The following ESRRG variants were observed in gnomAD, a reference collection of about 807,000 sequenced individuals.
The protein encoded by ESRRG is estrogen-related receptor gamma.
A neutral mutation model predicts 44.0 loss-of-function variants in ESRRG; 13 were observed. The ratio of observed to expected loss-of-function variants is 0.30; its 90% CI spans 0.19 to 0.47. The LOEUF (loss-of-function observed/expected upper bound fraction) is 0.47. Among genes scored for constraint, ESRRG ranks in the 20% least tolerant of loss-of-function variants. The pLI is 1.00. For synonymous variants in ESRRG, 215 were observed against 214.6 expected, an observed-to-expected ratio of 1.00 and a Z score of -0.02; for missense variants, 395 against 580.6, an observed-to-expected ratio of 0.68 and a Z score of 3.29.
chr1:216,665,532 G>C (rs2073695772), intron 2 of ESRRG, among the ~76,000 whole-genome samples: 1 of 152,148 alleles, frequency 6.6e-6, no homozygotes, highest in Non-Finnish European at 1.5e-5. Flanking sequence ...GGCTAGCAGG[G>C]ACTGGGGGTA....
At chr1:217,128,111 A>G (rs976258902) in intron 1 of ESRRG, among the ~76,000 whole-genome samples, 13 of 152,322 alleles carry the variant, frequency 8.5e-5, no homozygotes, top group Admixed American at 7.8e-4. Context: ...ACAAATGCAG[A>G]AATTTGATCC....
chr1:216,684,889 T>C (rs951805253), intron 1 of ESRRG, among the ~76,000 whole-genome samples: 1 of 152,354 alleles, frequency 6.6e-6, no homozygotes, highest in Non-Finnish European at 1.5e-5. Context: ...AACAAGTGTG[T>C]ATATTTGCCC....
intron 2 of ESRRG, among the ~76,000 whole-genome samples, chr1:216,915,760 C>A (rs34783704): frequency 0.065 from 9,833 of 152,198 alleles, 424 homozygotes; most frequent in Non-Finnish European, 0.091. Flanking sequence ...GAGAAAAGAA[C>A]CCAGGAATGT....
intron 1 of ESRRG, among the ~76,000 whole-genome samples, chr1:216,989,489 A>G (rs930003006): frequency 1.3e-5 from 2 of 151,824 alleles, no homozygotes; most frequent in Non-Finnish European, 2.9e-5. Context: ...TAATGTATCA[A>G]GTTTTCTCCA....
intron 1 of ESRRG, among the ~76,000 whole-genome samples, chr1:217,108,764 G>T (rs1214135383): frequency 1.3e-5 from 2 of 151,998 alleles, no homozygotes; most frequent in Non-Finnish European, 2.9e-5. Flanking sequence ...CAGATAGCCA[G>T]CACCAGGCTT....
At chr1:217,109,029 A>G (rs1213131690) in intron 1 of ESRRG, among the ~76,000 whole-genome samples, 1 of 152,184 alleles carries the variant, frequency 6.6e-6, no homozygotes, top group East Asian at 1.9e-4. Context: ...GCATGGGCAC[A>G]TGTGTTGAAA....
chr1:216,710,471 GAA>G (rs143332111), intron 1 of ESRRG, among the ~76,000 whole-genome samples: 1,597 of 152,182 alleles, frequency 0.01, 34 homozygotes, highest in African/African-American at 0.037. Context: ...TGCTTTTTTT[GAA>G]AAGTCTGACC....
At chr1:217,102,095 C>T (rs929806852) in intron 1 of ESRRG, among the ~76,000 whole-genome samples, 7 of 152,214 alleles carry the variant, frequency 4.6e-5, no homozygotes, top group African/African-American at 1.4e-4. Context: ...TGTGAGCCAC[C>T]GCACCCTGCC....
chr1:217,032,106 A>G (rs767973536), intron 1 of ESRRG, among the ~76,000 whole-genome samples: 6 of 152,200 alleles, frequency 3.9e-5, no homozygotes, highest in Admixed American at 3.3e-4. Flanking sequence ...AATCTGACCA[A>G]TTAAAAATAT....
intron 2 of ESRRG, among the ~76,000 whole-genome samples, chr1:216,784,996 A>G (rs1473879574): frequency 1.3e-5 from 2 of 152,040 alleles, no homozygotes; most frequent in African/African-American, 2.4e-5. Flanking sequence ...TCCCTCCGAG[A>G]CGATGGTCTG....
At chr1:216,635,855 A>T (rs192304253) in intron 3 of ESRRG, among the ~76,000 whole-genome samples, 114 of 152,266 alleles carry the variant, frequency 7.5e-4, no homozygotes, top group African/African-American at 2.7e-3. Flanking sequence ...GGAGGGAAAA[A>T]AATTCCAGCA....
chr1:216,923,144 A>G, intron 2 of ESRRG, among the ~76,000 whole-genome samples: 1 of 152,228 alleles, frequency 6.6e-6, no homozygotes. Context: ...ATTCGTTAAA[A>G]TCAACAAAGC....
chr1:216,960,169 T>A (rs955760226), intron 1 of ESRRG, among the ~76,000 whole-genome samples: 6 of 152,216 alleles, frequency 3.9e-5, no homozygotes, highest in Non-Finnish European at 7.3e-5. Flanking sequence ...AATGCTTTTA[T>A]AACATTATCA....
chr1:216,506,992 C>T lies in ESRRG; in HGVS notation c.1324G>A (p.Gly442Ser), dbSNP rs1571890436. 1 of 1,614,116 alleles carries T rather than the reference C, an allele frequency of 6.2e-7. No individual in the cohort carries two copies. Among genetic ancestry groups the T allele is most frequent in the East Asian group, 2.2e-5 (1 of 44,862 alleles). Reference sequence around the variant, plus strand: ...AAAAGTTTGTGCATTGGGACTTTGCCTTCTAGTTTGATGTTGTAGAAATGC... The same window carrying T: ...AAAAGTTTGTGCATTGGGACTTTGCTTTCTAGTTTGATGTTGTAGAAATGC... ...VQHFYNIKLE[G>S]KVPMHKLFLE... Residue 442 changes from glycine (G) to serine (S), a missense_variant, in exon 7 of 7, where the codon GGC (glycine) becomes AGC (serine). Physicochemically the swap from Gly to Ser is moderately conservative, Grantham distance 56. Transcript: ENST00000408911.
At chr1:216,667,705 A>G (rs1009192392) in intron 2 of ESRRG, among the ~76,000 whole-genome samples, 1 of 150,688 alleles carries the variant, frequency 6.6e-6, no homozygotes, top group African/African-American at 2.4e-5. Context: ...AAAAAAAAAA[A>G]AAAAGATAGA....
intron 5 of ESRRG, among the ~76,000 whole-genome samples, chr1:216,529,474 T>C (rs1371716882): frequency 6.6e-6 from 1 of 152,134 alleles, no homozygotes. Flanking sequence ...TCATGCAAAG[T>C]TTTAATAAAC....
intron 3 of ESRRG, among the ~76,000 whole-genome samples, chr1:216,609,283 G>T (rs1424464890): frequency 6.6e-6 from 1 of 152,120 alleles, no homozygotes. Flanking sequence ...TGTGGCTTTT[G>T]TTTATGATTA....
At chr1:217,056,101 A>G (rs2087030201) in intron 1 of ESRRG, among the ~76,000 whole-genome samples, 1 of 152,024 alleles carries the variant, frequency 6.6e-6, no homozygotes, top group Admixed American at 6.6e-5. Flanking sequence ...CTTTTTTGAG[A>G]TCCTCCATGT....
At chr1:217,069,240 C>G (rs830329) in intron 1 of ESRRG, among the ~76,000 whole-genome samples, 122,650 of 152,036 alleles carry the variant, frequency 0.81, 49,627 homozygotes, top group East Asian at 0.94. Context: ...CGTGGTGGAT[C>G]CTTCCTGCCC....
Sources: gnomAD v4.1 joint callset for allele counts (sites outside exome capture counted in the v4.1 genomes callset) on GRCh38, gnomAD v4.1.1 for gene constraint, MANE v1.5 for transcripts, NCBI Gene and HGNC (gene_info 2026-07-23, HGNC 2026-07-21) for gene names.